DST: variants seen among roughly 807,000 people sequenced by gnomAD.
The protein encoded by DST is bullous pemphigoid antigen.
A neutral mutation model predicts 875.2 loss-of-function variants in DST; 253 were observed. The observed-to-expected ratio is 0.29, with a 90% confidence interval of 0.26 to 0.32. The LOEUF (loss-of-function observed/expected upper bound fraction) is 0.32, where lower values mean the gene tolerates loss of function less well. Ranked by LOEUF, DST falls within the 10% of genes least tolerant of loss-of-function variation. The probability of loss-of-function intolerance (pLI) is 1.00; values close to 1 mark genes in which losing one functional copy is unlikely to be tolerated. For synonymous variants in DST, 3,124 were observed against 3,197.1 expected (o/e 0.98, Z 0.77); for missense variants, 8,287 against 9,111.6 (o/e 0.91, Z 3.68).
intron 50 of DST, among the ~76,000 whole-genome samples, chr6:56,574,099 C>CT (rs1253918847): frequency 1.3e-5 from 2 of 152,010 alleles, no homozygotes; most frequent in Non-Finnish European, 2.9e-5. Context: ...AAATTGAAAT[C>CT]TTTTTTTAAA....
At position 56,557,349 on chromosome 6, in the gene DST, ATTTGGGT is replaced by A; in HGVS notation, c.14603_14609del (p.Asp4868ValfsTer3). The stretch of plus-strand genomic sequence containing the variant: ...CCTGCTGCCTTTGTGTGTTTAGCAT[ATTTGGGT>A]CAATTGACAAGGGCCCAAGAACACT... On this transcript the variant is annotated frameshift_variant, in exon 59 of 104. Coordinates refer to ENST00000680361, the MANE Select transcript of DST (RefSeq NM_001374736.1). LOFTEE classifies it high-confidence loss of function. 6.2e-7 allele frequency: 1 copy of A among 1,613,558 alleles called. No individual in the cohort carries two copies. The highest frequency in any genetic ancestry group is 8.5e-7 in the Non-Finnish European group (1 of 1,179,652).
intron 29 of DST, 62 bp downstream of exon 29, chr6:56,631,821 G>A: frequency 6.7e-7 from 1 of 1,487,494 alleles, no homozygotes. Flanking sequence ...GAAGTCACAA[G>A]AGTTGATACA....
Position 56,603,966 on chromosome 6 carries a change from G to C in DST, c.10662C>G (p.Ser3554Arg). The change falls in exon 40 of 104, where the codon AGC becomes AGG. Residue 3554 changes from serine (S) to arginine (R), a missense_variant. Transcript: ENST00000680361. ...GCAATGTTGATGCCCACACAGTAGA[G>C]CTTTCTAGTCCAATTTCTTTTACAG... ...LETVKEIGLESSTVWASTLPR... is the reference protein window; with the variant it reads ...LETVKEIGLERSTVWASTLPR... The C allele has an allele frequency of 6.2e-7, 1 of 1,610,856 alleles. No individual in the cohort carries two copies. The highest frequency in any genetic ancestry group is 8.5e-7 in the Non-Finnish European group (1 of 1,178,302).
At chr6:56,694,984 A>G (rs1404571031) in intron 9 of DST, among the ~76,000 whole-genome samples, 2 of 151,942 alleles carry the variant, frequency 1.3e-5, no homozygotes, top group Non-Finnish European at 2.9e-5. Context: ...AAAATTAGCC[A>G]GATGTGGTGA....
chr6:56,515,368 T>G, intron 72 of DST, 82 bp downstream of exon 72: 1 of 1,480,262 alleles, frequency 6.8e-7, no homozygotes, highest in Non-Finnish European at 9.3e-7. Flanking sequence ...CATGTAAGTG[T>G]TTAACTGTAC....
intron 55 of DST, among the ~76,000 whole-genome samples, chr6:56,564,723 CTT>C (rs1445510588): frequency 6.6e-6 from 1 of 152,246 alleles, no homozygotes; most frequent in East Asian, 1.9e-4. Flanking sequence ...ACAAATAACT[CTT>C]ATTGTTTTGA....
In DST at chr6:56,865,374, A is replaced by G. The variant is rs187325119; in HGVS notation, c.418-13770T>C. ...GTCATCTAGGCTGAAGTGTGGTGGT[A>G]AAATCACAGCTCACTGTGTGGTGGT... On this transcript the variant is annotated intron_variant, in intron 3 of 103. Coordinates refer to ENST00000680361, the MANE Select transcript of DST (RefSeq NM_001374736.1). 3.3e-5 allele frequency among the ~76,000 whole-genome samples: 5 copies of G among 152,090 alleles called. No individual in the cohort carries two copies. The East Asian group carries it at 9.7e-4, about 29-fold the overall frequency.
At chr6:56,488,786 TG>T (rs2095646505) in intron 86 of DST, among the ~76,000 whole-genome samples, 1 of 119,258 alleles carries the variant, frequency 8.4e-6, no homozygotes, top group Admixed American at 1.0e-4. Flanking sequence ...TGATGGCTGG[TG>T]GGGTCAACTT....
intron 36 of DST, chr6:56,616,707 C>A: frequency 6.2e-7 from 1 of 1,614,208 alleles, no homozygotes; most frequent in South Asian, 1.1e-5. Flanking sequence ...GGGTCAATGA[C>A]ACCCCCACTG....
intron 17 of DST, among the ~76,000 whole-genome samples, chr6:56,641,115 CAGAGAGAGAGAG>C (rs145412096): frequency 4.9e-5 from 7 of 142,626 alleles, no homozygotes; most frequent in East Asian, 2.0e-4. Flanking sequence ...TATTTATGCA[CAGAGAGAGAGAG>C]AGAGAGAGAG....
intron 5 of DST, among the ~76,000 whole-genome samples, chr6:56,733,738 T>G (rs528781736): frequency 4.6e-5 from 7 of 151,656 alleles, no homozygotes; most frequent in African/African-American, 1.5e-4. Flanking sequence ...ATTAACATAA[T>G]ATACCTTTTA....
chr6:56,717,222 T>TAAATAAATAAATAAGC (rs1256889061), intron 5 of DST, among the ~76,000 whole-genome samples: 2 of 148,744 alleles, frequency 1.3e-5, no homozygotes, highest in South Asian at 2.1e-4. Flanking sequence ...AATAAATAAA[T>TAAATAAATAAATAAGC]AAGCATGCAA....
At chr6:56,545,470 C>T (rs1023008266) in intron 61 of DST, among the ~76,000 whole-genome samples, 2 of 151,068 alleles carry the variant, frequency 1.3e-5, no homozygotes, top group Admixed American at 6.6e-5. Flanking sequence ...AAACTATCTA[C>T]TAAAGCAGAT....
chr6:56,911,601 C>T (rs1798851234), intron 2 of DST, among the ~76,000 whole-genome samples: 2 of 152,176 alleles, frequency 1.3e-5, no homozygotes, highest in South Asian at 2.1e-4. Context: ...GCCAGACCCT[C>T]GTATGGATCT....
chr6:56,866,805 G>C (rs140701615), intron 3 of DST, among the ~76,000 whole-genome samples: 29 of 152,254 alleles, frequency 1.9e-4, no homozygotes, highest in African/African-American at 5.3e-4. Flanking sequence ...ACCCATAGCA[G>C]GTGCTCAGAA....
chr6:56,828,966 G>A lies in DST; in HGVS notation c.625+22431C>T, dbSNP rs530676153. ...CCCAGAATGAAGCCACTTCAAAGCT[G>A]AAGACCACAGTCCCTAGTCTTGAAG... On this transcript the variant is annotated intron_variant, in intron 4 of 103. Transcript: ENST00000680361. Among the ~76,000 whole-genome samples, 5 of 152,306 alleles carry A rather than the reference G, an allele frequency of 3.3e-5. No individual in the cohort carries two copies. The East Asian group carries it at 9.7e-4, about 29-fold the overall frequency.
intron 4 of DST, among the ~76,000 whole-genome samples, chr6:56,815,637 C>T (rs2099765619): frequency 6.6e-6 from 1 of 152,172 alleles, no homozygotes; most frequent in African/African-American, 2.4e-5. Context: ...GTCCCAGCAC[C>T]TCTGCCTCCC....
At chr6:56,931,600 G>A (rs750482318) in intron 2 of DST, among the ~76,000 whole-genome samples, 1 of 152,220 alleles carries the variant, frequency 6.6e-6, no homozygotes, top group Non-Finnish European at 1.5e-5. Flanking sequence ...CAGCCAGGAG[G>A]GAGGCTGTAC....
intron 36 of DST, chr6:56,619,791 T>G (rs1242023399): frequency 2.5e-6 from 4 of 1,614,196 alleles, no homozygotes; most frequent in Non-Finnish European, 3.4e-6. Context: ...CTGAGTGTAT[T>G]ATTTGTTTCA....
Sources: gnomAD v4.1 joint callset for allele counts (sites outside exome capture counted in the v4.1 genomes callset) on GRCh38, gnomAD v4.1.1 for gene constraint, MANE v1.5 for transcripts, NCBI Gene and HGNC (gene_info 2026-07-23, HGNC 2026-07-21) for gene names.